Variants in DCAF6 observed in about 807,000 individuals in gnomAD.
DCAF6 encodes DDB1- and CUL4-associated factor 6.
A neutral mutation model predicts 125.1 loss-of-function variants in DCAF6; 54 were observed. The observed-to-expected ratio is 0.43, with a 90% confidence interval of 0.35 to 0.54. The LOEUF is 0.54. Among genes scored for constraint, DCAF6 ranks in the 20% least tolerant of loss-of-function variants. The probability of loss-of-function intolerance (pLI) is 0.01; values close to 1 mark genes in which losing one functional copy is unlikely to be tolerated. For synonymous variants in DCAF6, 371 were observed against 390.4 expected, an observed-to-expected ratio of 0.95 and a Z score of 0.58; for missense variants, 934 against 1,161.7, an observed-to-expected ratio of 0.80 and a Z score of 2.85.
At chr1:168,008,680 A>G (rs1016211969) in intron 10 of DCAF6, among the ~76,000 whole-genome samples, 1 of 151,934 alleles carries the variant, frequency 6.6e-6, no homozygotes, top group Non-Finnish European at 1.5e-5. Context: ...CAAACTCCTC[A>G]CTGTGGACGT....
chr1:167,998,104 T>C (rs1004431514), intron 7 of DCAF6, among the ~76,000 whole-genome samples: 10 of 152,178 alleles, frequency 6.6e-5, no homozygotes, highest in Non-Finnish European at 1.0e-4. Context: ...CTTGGAGATA[T>C]TGCAGGTTTG....
chr1:167,925,555 G>GT, the DCAF6 span, among the ~76,000 whole-genome samples: 48 of 49,704 alleles, frequency 9.7e-4, no homozygotes, highest in East Asian at 2.6e-3. Flanking sequence ...GGTTTTTTTT[G>GT]TTTTTTTTTG....
At chr1:167,885,760 G>T in the DCAF6 span, among the ~76,000 whole-genome samples, 1 of 151,842 alleles carries the variant, frequency 6.6e-6, no homozygotes, top group East Asian at 1.9e-4. Context: ...GATTACAGGC[G>T]CCCACCACTA....
chr1:168,021,257 AGTTTTCTTACG>A (rs1368350377), intron 11 of DCAF6, among the ~76,000 whole-genome samples: 2 of 152,142 alleles, frequency 1.3e-5, no homozygotes, highest in African/African-American at 4.8e-5. Flanking sequence ...GAGAGTTTAT[AGTTTTCTTACG>A]GCTCTTAAAT....
intron 18 of DCAF6, among the ~76,000 whole-genome samples, chr1:168,064,795 T>G (rs1489330211): frequency 1.3e-5 from 2 of 152,288 alleles, no homozygotes; most frequent in African/African-American, 2.4e-5. Context: ...GCAGTTAAAA[T>G]TTTTTAAAAT....
the DCAF6 span, chr1:167,896,721 T>C: frequency 2.1e-6 from 3 of 1,440,070 alleles, no homozygotes; most frequent in Admixed American, 1.7e-5. Context: ...AAGTTTTCAG[T>C]TATTCTGAGA....
chr1:167,995,712 C>T (rs985316736), intron 7 of DCAF6, among the ~76,000 whole-genome samples: 5 of 149,920 alleles, frequency 3.3e-5, no homozygotes, highest in Non-Finnish European at 7.4e-5. Context: ...TTATAACAAA[C>T]CAAACAATTC....
chr1:167,987,596 A>C lies in DCAF6; in HGVS notation c.540A>C (p.Glu180Asp). 3 of 1,554,260 alleles carry C rather than the reference A, an allele frequency of 1.9e-6. No homozygotes were observed. The highest frequency in any genetic ancestry group is 2.7e-6 in the Non-Finnish European group (3 of 1,127,430). ...DTRIKTSCTK[E>D]DCKDDILINC... ...GCATCAAAACTAGCTGCACAAAAGA[A>C]GATTGTAAAGATGTAAGAATTAAAT... The change falls in exon 5 of 22, where the codon GAA (glutamate) becomes GAC (aspartate). Residue 180 changes from glutamate (E) to aspartate (D), a missense_variant. By Grantham distance (45) the Glu-to-Asp change is conservative (BLOSUM62 2). Transcript: ENST00000367840.
upstream of DCAF6, chr1:167,935,849 G>T: frequency 6.5e-7 from 1 of 1,548,432 alleles, no homozygotes; most frequent in Non-Finnish European, 8.7e-7. Context: ...CATCGCCGCC[G>T]AGGGATCGTT....
At chr1:167,901,937 C>G in the DCAF6 span, 3 of 1,604,448 alleles carry the variant, frequency 1.9e-6, no homozygotes, top group Non-Finnish European at 2.6e-6. Flanking sequence ...CTCTAGGATG[C>G]CTCCTTTGTC....
At chr1:167,884,305 G>C in the DCAF6 span, among the ~76,000 whole-genome samples, 4 of 152,146 alleles carry the variant, frequency 2.6e-5, no homozygotes, top group Non-Finnish European at 5.9e-5. Flanking sequence ...GGAGAAGCAG[G>C]CACTTCTTAT....
chr1:167,987,615 A>G lies in DCAF6; in HGVS notation c.552+7A>G. On this transcript the variant is annotated splice_region_variant and intron_variant, in intron 5 of 21. Coordinates refer to ENST00000367840, the MANE Select transcript of DCAF6 (RefSeq NM_001198956.2). ...AAAAGAAGATTGTAAAGATGTAAGA[A>G]TTAAATTTTTATACAAATGATGCAG... 8 of 1,445,256 alleles carry G rather than the reference A, an allele frequency of 5.5e-6. No homozygotes were observed. The highest frequency in any genetic ancestry group is 7.8e-6 in the Non-Finnish European group (8 of 1,031,090). 89.5% of individuals were successfully genotyped at this position (1,445,256 alleles called of 1,614,324 possible).
At chr1:167,946,858 T>C (rs1351998572) in intron 1 of DCAF6, among the ~76,000 whole-genome samples, 1 of 152,184 alleles carries the variant, frequency 6.6e-6, no homozygotes, top group Non-Finnish European at 1.5e-5. Flanking sequence ...TGTCCTTCTT[T>C]GGTTTTGTTA....
intron 13 of DCAF6, among the ~76,000 whole-genome samples, chr1:168,038,971 A>T (rs1688168790): frequency 6.6e-6 from 1 of 151,922 alleles, no homozygotes; most frequent in Non-Finnish European, 1.5e-5. Flanking sequence ...CCATGTTACT[A>T]CTTAGTTTTA....
chr1:167,916,191 A>G, the DCAF6 span, among the ~76,000 whole-genome samples: 3 of 150,828 alleles, frequency 2.0e-5, no homozygotes, highest in African/African-American at 7.4e-5. Flanking sequence ...TGGCAATGAG[A>G]GTTTTTGACA....
At chr1:167,866,682 T>C in the DCAF6 span, among the ~76,000 whole-genome samples, 548 of 151,298 alleles carry the variant, frequency 3.6e-3, 6 homozygotes, top group African/African-American at 0.013. Flanking sequence ...CAGTGTAACA[T>C]GTATTATAGT....
At chr1:167,973,034 A>G (rs754460269) in intron 3 of DCAF6, among the ~76,000 whole-genome samples, 6 of 152,218 alleles carry the variant, frequency 3.9e-5, no homozygotes. Context: ...GCCAAAGCCA[A>G]TGGCCTAACA....
chr1:167,908,076 A>T, the DCAF6 span, among the ~76,000 whole-genome samples: 1 of 152,252 alleles, frequency 6.6e-6, no homozygotes, highest in Non-Finnish European at 1.5e-5. Context: ...TACCCAAAGG[A>T]ATTGAAATCA....
intron 1 of DCAF6, among the ~76,000 whole-genome samples, chr1:167,944,677 T>G (rs919658796): frequency 1.3e-5 from 2 of 152,226 alleles, no homozygotes; most frequent in African/African-American, 2.4e-5. Context: ...TTGAATCGTT[T>G]GAGTTCCTTG....
Sources: allele counts gnomAD v4.1 joint callset (sites outside exome capture counted in the v4.1 genomes callset), GRCh38; gene constraint gnomAD v4.1.1; transcripts MANE v1.5; gene names NCBI Gene and HGNC (gene_info 2026-07-23, HGNC 2026-07-21).